The following HLCS variants were observed in gnomAD, a reference collection of about 807,000 sequenced individuals.
The protein encoded by HLCS is biotin--protein ligase.
Under a neutral mutation model 75.0 loss-of-function variants are expected in HLCS, and 53 were observed. The observed-to-expected ratio is 0.71, with a 90% CI of 0.57 to 0.89. The LOEUF (loss-of-function observed/expected upper bound fraction) is 0.89. HLCS is among the 40% of genes least tolerant of loss of function. HLCS has a pLI of 0.00. For synonymous variants in HLCS, 431 were observed against 428.6 expected (o/e 1.01, Z -0.07); for missense variants, 966 against 1,074.0 (o/e 0.90, Z 1.41).
intron 5 of HLCS, among the ~76,000 whole-genome samples, chr21:36,916,286 G>A (rs76811890): frequency 0.011 from 1,740 of 152,216 alleles, 41 homozygotes; most frequent in African/African-American, 0.04. Flanking sequence ...GAATCCCTTT[G>A]TTGAGTATAA....
intron 6 of HLCS, among the ~76,000 whole-genome samples, chr21:36,772,563 AG>A (rs1479694035): frequency 6.7e-6 from 1 of 148,894 alleles, no homozygotes; most frequent in African/African-American, 2.5e-5. Context: ...CACTTGAGGC[AG>A]GGAGTTCAAG....
At chr21:36,820,745 CAG>C (rs1453144549) in intron 6 of HLCS, among the ~76,000 whole-genome samples, 4 of 152,240 alleles carry the variant, frequency 2.6e-5, no homozygotes, top group Non-Finnish European at 5.9e-5. Flanking sequence ...CTGCAGAAGG[CAG>C]ACAGGCTCCT....
intron 1 of HLCS, among the ~76,000 whole-genome samples, chr21:36,984,045 C>A (rs947979528): frequency 1.3e-5 from 2 of 151,834 alleles, no homozygotes; most frequent in African/African-American, 4.8e-5. Context: ...TGCTATGTTG[C>A]CCAGGCTGGT....
In HLCS at chr21:36,938,997, G is replaced by A; in HGVS notation, c.331-3C>T. 1 of 1,603,786 alleles carries A rather than the reference G, an allele frequency of 6.2e-7. No individual in the cohort carries two copies. The highest frequency in any genetic ancestry group is 1.3e-5 in the African/African-American group (1 of 74,878). On this transcript the variant is annotated splice_polypyrimidine_tract_variant and splice_region_variant and intron_variant, in intron 2 of 10. Coordinates refer to ENST00000674895, the MANE Select transcript of HLCS (RefSeq NM_001352514.2). ...CAACAGTCTGACCACTTGACAATCT[G>A]AGAAAAAGCAGGAGAGGGAGGAGGT...
chr21:36,912,759 C>G (rs551741285), intron 5 of HLCS, among the ~76,000 whole-genome samples: 1 of 151,064 alleles, frequency 6.6e-6, no homozygotes, highest in Non-Finnish European at 1.5e-5. Flanking sequence ...CAATTAGCCA[C>G]CCCCCCCAAC....
In HLCS at chr21:36,910,927, C is replaced by T. The variant is rs186938310; in HGVS notation, c.1621-13796G>A. On this transcript the variant is annotated intron_variant, in intron 5 of 10. Coordinates refer to ENST00000674895, the MANE Select transcript of HLCS (RefSeq NM_001352514.2). Reference sequence around the variant, plus strand: ...CCAAGCACCGGCACACAAAAGCGAACGGCTCTGAAGGGCTTCCACCTTCCA... The same window carrying T: ...CCAAGCACCGGCACACAAAAGCGAATGGCTCTGAAGGGCTTCCACCTTCCA... Among the ~76,000 whole-genome samples the T allele has an allele frequency of 1.1e-4, 17 of 152,280 alleles. No individual in the cohort carries two copies. In the East Asian group the frequency reaches 1.2e-3, roughly 10 times the overall value.
chr21:36,893,610 G>A (rs577794969), intron 6 of HLCS, among the ~76,000 whole-genome samples: 1 of 152,274 alleles, frequency 6.6e-6, no homozygotes, highest in South Asian at 2.1e-4. Context: ...CAGATCACGA[G>A]GCATTAGTCA....
chr21:36,761,066 C>T (rs934501881), intron 8 of HLCS, among the ~76,000 whole-genome samples: 5 of 152,222 alleles, frequency 3.3e-5, no homozygotes, highest in African/African-American at 1.2e-4. Context: ...CTGGTCTTCC[C>T]ACGTTGCAGG....
At chr21:36,786,314 T>C (rs1376006087) in intron 6 of HLCS, among the ~76,000 whole-genome samples, 1 of 151,764 alleles carries the variant, frequency 6.6e-6, no homozygotes, top group African/African-American at 2.4e-5. Flanking sequence ...AAAAACACAG[T>C]ACCATACCGC....
At chr21:36,846,462 G>A (rs1324435950) in intron 6 of HLCS, among the ~76,000 whole-genome samples, 1 of 152,078 alleles carries the variant, frequency 6.6e-6, no homozygotes, top group Non-Finnish European at 1.5e-5. Context: ...CAGTTCCCCT[G>A]AATGTTTCTA....
chr21:36,853,587 T>C (rs2063087153), intron 6 of HLCS, among the ~76,000 whole-genome samples: 1 of 152,238 alleles, frequency 6.6e-6, no homozygotes, highest in Admixed American at 6.5e-5. Flanking sequence ...TTAAACTAAA[T>C]GTCTTTAACT....
rs578190334 is a variant in HLCS, at chr21:36,952,716, G to C, written c.330+9320C>G. Among the ~76,000 whole-genome samples, 41 of 150,958 alleles carry C rather than the reference G, an allele frequency of 2.7e-4. No individual in the cohort carries two copies. In the East Asian group the frequency reaches 8.0e-3, roughly 29 times the overall value. ...TGAGGCAGGAGAATTGCTTGAACCA[G>C]GAAGTCGGAGGTTGCAGTGAGCTGA... On this transcript the variant is annotated intron_variant, in intron 2 of 10. Transcript: ENST00000674895.
intron 6 of HLCS, among the ~76,000 whole-genome samples, chr21:36,811,431 C>T (rs575336068): frequency 2.6e-5 from 4 of 152,308 alleles, no homozygotes; most frequent in East Asian, 1.9e-4. Context: ...GCCAGGGAGG[C>T]GGACACCTCT....
intron 6 of HLCS, among the ~76,000 whole-genome samples, chr21:36,887,067 T>C (rs1202419474): frequency 6.6e-6 from 1 of 151,098 alleles, no homozygotes; most frequent in Non-Finnish European, 1.5e-5. Context: ...GAGACAGAGG[T>C]TGCAGTGAGC....
intron 6 of HLCS, among the ~76,000 whole-genome samples, chr21:36,776,273 C>A (rs777470849): frequency 6.6e-5 from 10 of 152,168 alleles, no homozygotes; most frequent in Admixed American, 2.0e-4. Flanking sequence ...TCATTATTTT[C>A]TGAACCAGTT....
intron 6 of HLCS, among the ~76,000 whole-genome samples, chr21:36,800,105 G>A (rs1036718333): frequency 6.6e-6 from 1 of 152,040 alleles, no homozygotes. Flanking sequence ...ACAACTTCTG[G>A]ACAAATCACT....
chr21:36,917,531 A>C (rs1343648580), intron 5 of HLCS, among the ~76,000 whole-genome samples: 1 of 152,140 alleles, frequency 6.6e-6, no homozygotes, highest in African/African-American at 2.4e-5. Flanking sequence ...CCGAATGAAA[A>C]ACACACAAGT....
At chr21:36,808,266 A>G (rs989416463) in intron 6 of HLCS, among the ~76,000 whole-genome samples, 3 of 152,198 alleles carry the variant, frequency 2.0e-5, no homozygotes, top group African/African-American at 7.2e-5. Context: ...GTTCTTCAAA[A>G]ACCCAAGGTT....
chr21:36,945,497 T>A (rs770014332), intron 2 of HLCS, among the ~76,000 whole-genome samples: 1 of 152,218 alleles, frequency 6.6e-6, no homozygotes, highest in Non-Finnish European at 1.5e-5. Context: ...AATGAACTAC[T>A]GATGCATGTT....
Sources: allele counts gnomAD v4.1 joint callset (sites outside exome capture counted in the v4.1 genomes callset), GRCh38; gene constraint gnomAD v4.1.1; transcripts MANE v1.5; gene names NCBI Gene and HGNC (gene_info 2026-07-23, HGNC 2026-07-21).